Variants in KCNC2 observed in about 807,000 individuals in gnomAD.
KCNC2 encodes the protein voltage-gated potassium channel KCNC2.
Under a neutral mutation model 44.5 loss-of-function variants are expected in KCNC2, and 21 were observed. The observed-to-expected ratio is 0.47, with a 90% CI of 0.33 to 0.68. The LOEUF (loss-of-function observed/expected upper bound fraction) is 0.68, where lower values mean the gene tolerates loss of function less well. KCNC2 is among the 30% of genes least tolerant of loss of function. The pLI is 0.01. For synonymous variants in KCNC2, 391 were observed against 339.1 expected (o/e 1.15, Z -1.68); for missense variants, 589 against 826.2 (o/e 0.71, Z 3.52).
At chr12:75,062,176 T>C (rs1169494407) in intron 2 of KCNC2, among the ~76,000 whole-genome samples, 1 of 152,128 alleles carries the variant, frequency 6.6e-6, no homozygotes, top group Non-Finnish European at 1.5e-5. Context: ...GCTTAGAGAC[T>C]GGAGTCAAAG....
rs370395843 is a variant in KCNC2 at position 75,085,548 on chromosome 12, G to A, written c.688-34231C>T. ...CTTAAGTCTCCTACAATTAGGAAGC[G>A]GCAGAACCATGAATCTAACATCAGA... is the stretch of plus-strand genomic sequence containing the variant. On this transcript the variant is annotated intron_variant, in intron 2 of 4. Coordinates refer to ENST00000549446, the MANE Select transcript of KCNC2 (RefSeq NM_139137.4). Among the ~76,000 whole-genome samples the A allele has an allele frequency of 5.9e-5, 9 of 152,120 alleles. No individual in the cohort carries two copies. In the South Asian group the frequency reaches 1.5e-3, roughly 25 times the overall value.
intron 2 of KCNC2, among the ~76,000 whole-genome samples, chr12:75,196,162 T>A (rs1360789876): frequency 1.3e-5 from 2 of 152,132 alleles, no homozygotes; most frequent in Non-Finnish European, 2.9e-5. Context: ...TCATCATCCT[T>A]TGGTTGTTTT....
intron 2 of KCNC2, among the ~76,000 whole-genome samples, chr12:75,089,566 A>G (rs2137122331): frequency 6.6e-6 from 1 of 152,018 alleles, no homozygotes; most frequent in South Asian, 2.1e-4. Context: ...TTTCATTAAC[A>G]TCAATGAAAA....
intron 2 of KCNC2, among the ~76,000 whole-genome samples, chr12:75,109,588 C>T (rs557215831): frequency 2.6e-5 from 4 of 152,242 alleles, no homozygotes; most frequent in Non-Finnish European, 5.9e-5. Context: ...CAGAGAAGTA[C>T]CTTTGTGCAG....
At chr12:75,147,004 A>G (rs369392337) in intron 2 of KCNC2, among the ~76,000 whole-genome samples, 1 of 152,188 alleles carries the variant, frequency 6.6e-6, no homozygotes, top group East Asian at 1.9e-4. Context: ...ACACATCATA[A>G]GACTTTATAC....
rs765125085 is a variant in KCNC2 at position 75,109,983 on chromosome 12, A to G, written c.688-58666T>C. ...TCAATGGACAGGAATATCACAAAAC[A>G]CAGAGAAAAAATACAAGAATATAAA... On this transcript the variant is annotated intron_variant, in intron 2 of 4. Coordinates refer to ENST00000549446, the MANE Select transcript of KCNC2 (RefSeq NM_139137.4). Among the ~76,000 whole-genome samples, 20 of 145,532 alleles carry G rather than the reference A, an allele frequency of 1.4e-4. No individual in the cohort carries two copies. In the South Asian group the frequency reaches 2.0e-3, roughly 15 times the overall value.
rs1333497928 is a variant in KCNC2 at position 75,048,266 on chromosome 12, T to C, written c.1667A>G (p.Glu556Gly). The change falls in exon 4 of 5, where the codon GAA (glutamate) becomes GGA (glycine). Residue 556 changes from glutamate to glycine, a missense_variant. Transcript: ENST00000549446. ...ACTAGAGCGTCTGATGGGGAGCCTT[T>C]CTGGGGGTGATAGTGGCGGCTCACT... ...TGSEPPLSPPERLPIRRSSTR... is the reference protein window; with the variant it reads ...TGSEPPLSPPGRLPIRRSSTR... 1 of 1,612,902 alleles carries C rather than the reference T, an allele frequency of 6.2e-7. No individual in the cohort carries two copies. The highest frequency in any genetic ancestry group is 1.3e-5 in the African/African-American group (1 of 74,810).
intron 2 of KCNC2, among the ~76,000 whole-genome samples, chr12:75,200,668 G>A (rs2031170321): frequency 6.6e-6 from 1 of 151,688 alleles, no homozygotes; most frequent in South Asian, 2.1e-4. Context: ...GAAATATGGA[G>A]CACTATACAC....
chr12:75,173,798 A>G (rs1389939626), intron 2 of KCNC2, among the ~76,000 whole-genome samples: 1 of 151,892 alleles, frequency 6.6e-6, no homozygotes, highest in African/African-American at 2.4e-5. Context: ...AATACTCTTC[A>G]TGTTATTGGA....
chr12:75,197,193 C>T (rs916956910), intron 2 of KCNC2, among the ~76,000 whole-genome samples: 1 of 152,004 alleles, frequency 6.6e-6, no homozygotes, highest in African/African-American at 2.4e-5. Flanking sequence ...CATTGCTGTC[C>T]TGGACTGAGA....
chr12:75,090,630 G>T (rs1267070425), intron 2 of KCNC2, among the ~76,000 whole-genome samples: 2 of 151,688 alleles, frequency 1.3e-5, no homozygotes, highest in East Asian at 3.9e-4. Context: ...ATTGTTAGAA[G>T]CCTTTTCCAA....
chr12:75,175,634 T>C (rs568630424), intron 2 of KCNC2, among the ~76,000 whole-genome samples: 256 of 152,124 alleles, frequency 1.7e-3, no homozygotes, highest in African/African-American at 5.8e-3. Flanking sequence ...CCCTCTGGCA[T>C]AGTAAGGAGT....
intron 2 of KCNC2, among the ~76,000 whole-genome samples, chr12:75,150,023 C>G (rs1890281427): frequency 6.6e-6 from 1 of 151,740 alleles, no homozygotes. Context: ...TGCAGTAAGC[C>G]ATCGCCTGTG....
intron 2 of KCNC2, among the ~76,000 whole-genome samples, chr12:75,157,986 G>A (rs866890412): frequency 5.9e-5 from 9 of 151,724 alleles, no homozygotes; most frequent in East Asian, 1.9e-4. Context: ...AGTCATTTGC[G>A]GCAGGTCACT....
chr12:75,048,320 G>A lies in KCNC2; in HGVS notation c.1616-3C>T, dbSNP rs1880773854. The A allele has an allele frequency of 6.2e-7, 1 of 1,607,496 alleles. No individual in the cohort carries two copies. On this transcript the variant is annotated splice_region_variant and splice_polypyrimidine_tract_variant and intron_variant, in intron 3 of 4. Transcript: ENST00000549446. ...TGTACTGTCGTCACCTGATAACACT[G>A]GTCACAGCACCATGCCCATTGACAG...
intron 4 of KCNC2, among the ~76,000 whole-genome samples, chr12:75,045,058 G>T (rs915800459): frequency 6.6e-6 from 1 of 151,878 alleles, no homozygotes; most frequent in Admixed American, 6.6e-5. Flanking sequence ...GGAATTGTAG[G>T]AAAAAATTAT....
intron 2 of KCNC2, among the ~76,000 whole-genome samples, chr12:75,171,964 T>C (rs1027650457): frequency 2.6e-5 from 4 of 151,724 alleles, no homozygotes; most frequent in African/African-American, 9.7e-5. Context: ...CTATTAAGGA[T>C]GTTATCTGCA....
chr12:75,094,035 T>G (rs956689706), intron 2 of KCNC2, among the ~76,000 whole-genome samples: 2 of 151,712 alleles, frequency 1.3e-5, no homozygotes, highest in African/African-American at 4.8e-5. Context: ...TTGCTAACTT[T>G]CCACTTAACT....
chr12:75,068,310 G>A (rs1332015349), intron 2 of KCNC2, among the ~76,000 whole-genome samples: 5 of 152,158 alleles, frequency 3.3e-5, no homozygotes, highest in Non-Finnish European at 5.9e-5. Flanking sequence ...TTTTGTATAC[G>A]TTTTAATGAG....
Sources: allele counts gnomAD v4.1 joint callset (sites outside exome capture counted in the v4.1 genomes callset), GRCh38; gene constraint gnomAD v4.1.1; transcripts MANE v1.5; gene names NCBI Gene and HGNC (gene_info 2026-07-23, HGNC 2026-07-21).